IL16: variants seen among roughly 807,000 people sequenced by gnomAD.
The protein encoded by IL16 is pro-interleukin-16.
In IL16, 67 loss-of-function variants were observed where a neutral mutation model predicts 110.1. That is an observed-to-expected ratio of 0.61 (90% confidence interval 0.50 to 0.75). IL16 has a LOEUF of 0.75. IL16 is among the 30% of genes least tolerant of loss of function. The pLI, the probability that IL16 is intolerant of heterozygous loss-of-function variation, is 0.00. For synonymous variants in IL16, 689 were observed against 662.9 expected, an observed-to-expected ratio of 1.04 and a Z score of -0.61; for missense variants, 1,545 against 1,655.0, an observed-to-expected ratio of 0.93 and a Z score of 1.15.
At chr15:81,209,101 C>T (rs1896140279) in intron 1 of IL16, among the ~76,000 whole-genome samples, 1 of 152,128 alleles carries the variant, frequency 6.6e-6, no homozygotes, top group Non-Finnish European at 1.5e-5. Context: ...TGAATTCAAT[C>T]ACATTTATTG....
chr15:81,256,332 C>CT (rs386383603), intron 2 of IL16, among the ~76,000 whole-genome samples: 20,431 of 125,692 alleles, frequency 0.16, 2,308 homozygotes, highest in Non-Finnish European at 0.22. Context: ...TCTTTACAAA[C>CT]TTTTTTTTTT....
In IL16 at chr15:81,292,640, G is replaced by A. The variant is rs908824928; in HGVS notation, c.1505G>A (p.Arg502Lys). 6.2e-7 allele frequency: 1 copy of A among 1,612,182 alleles called. No homozygotes were observed. The highest frequency in any genetic ancestry group is 1.7e-5 in the Admixed American group (1 of 59,992). Residue 502 changes from arginine (R) to lysine (K), a missense_variant, in exon 12 of 19, where the codon AGG (arginine) becomes AAG (lysine). Physicochemically the swap from Arg to Lys is conservative, Grantham distance 26. Transcript: ENST00000683961. ...REKNSAPPHR[R>K]AQKVMIRSSS... ...AAGAACTCAGCACCCCCGCATCGCA[G>A]GGCTCAGAAGGTCATGATCCGCTCC...
intron 2 of IL16, among the ~76,000 whole-genome samples, chr15:81,228,322 A>AT (rs34038033): frequency 0.52 from 73,100 of 140,380 alleles, 21,355 homozygotes; most frequent in Non-Finnish European, 0.67. Flanking sequence ...TGTACAACAC[A>AT]TTTTTTTTTT....
chr15:81,238,649 A>G (rs1897250772), intron 2 of IL16, among the ~76,000 whole-genome samples: 1 of 152,144 alleles, frequency 6.6e-6, no homozygotes, highest in African/African-American at 2.4e-5. Flanking sequence ...ACCATAAAAT[A>G]TAAGTAAAAA....
intron 8 of IL16, 30 bp downstream of exon 8, chr15:81,279,804 T>A: frequency 4.4e-6 from 7 of 1,589,266 alleles, no homozygotes; most frequent in Non-Finnish European, 6.0e-6. Context: ...GTCCCGTGCC[T>A]GGGTCTCCCA....
chr15:81,265,900 T>C, intron 4 of IL16, 99 bp downstream of exon 4: 3 of 1,161,414 alleles, frequency 2.6e-6, no homozygotes, highest in Non-Finnish European at 3.6e-6. Context: ...CCAGTAGTTT[T>C]TTTGTCCGCA....
At chr15:81,265,074 G>T (rs1419305563) in intron 3 of IL16, among the ~76,000 whole-genome samples, 1 of 152,190 alleles carries the variant, frequency 6.6e-6, no homozygotes, top group Non-Finnish European at 1.5e-5. Context: ...AGAGTTCCCG[G>T]TTGGATGAAA....
intron 2 of IL16, among the ~76,000 whole-genome samples, chr15:81,245,862 A>G (rs1038451352): frequency 1.4e-4 from 21 of 147,498 alleles, no homozygotes; most frequent in Non-Finnish European, 2.8e-4. Context: ...TTCCTATCTG[A>G]TCTGTCTTCT....
At chr15:81,232,113 T>C (rs1205122698) in intron 2 of IL16, among the ~76,000 whole-genome samples, 2 of 144,200 alleles carry the variant, frequency 1.4e-5, no homozygotes, top group East Asian at 4.2e-4. Flanking sequence ...GGTTTTTCCG[T>C]TGGAATTTTT....
At chr15:81,196,340 G>A (rs907855258), upstream of IL16, among the ~76,000 whole-genome samples, 1 of 152,236 alleles carries the variant, frequency 6.6e-6, no homozygotes, top group African/African-American at 2.4e-5. Flanking sequence ...TTCTTTGTCT[G>A]CAAAGCAGGT....
chr15:81,241,630 T>G (rs1897339951), intron 2 of IL16, among the ~76,000 whole-genome samples: 2 of 152,264 alleles, frequency 1.3e-5, no homozygotes, highest in African/African-American at 4.8e-5. Context: ...TTATTTTAAT[T>G]AAACATTTTA....
intron 12 of IL16, among the ~76,000 whole-genome samples, chr15:81,296,226 C>T (rs530149918): frequency 6.6e-6 from 1 of 152,180 alleles, no homozygotes; most frequent in African/African-American, 2.4e-5. Context: ...CTGACAGTAC[C>T]TTAAGCACAC....
intron 4 of IL16, 28 bp downstream of exon 4, chr15:81,265,829 G>C: frequency 6.3e-7 from 1 of 1,595,134 alleles, no homozygotes; most frequent in Non-Finnish European, 8.6e-7. Context: ...GAAACTCAGA[G>C]AAGAGTTTCT....
intron 1 of IL16, among the ~76,000 whole-genome samples, chr15:81,199,032 T>A (rs11633420): frequency 0.51 from 56,155 of 109,142 alleles, 13,684 homozygotes; most frequent in East Asian, 0.76. Context: ...AAAAAAAAAA[T>A]ATATATATAT....
intron 2 of IL16, among the ~76,000 whole-genome samples, chr15:81,238,148 C>T (rs1311045116): frequency 2.0e-5 from 3 of 152,108 alleles, no homozygotes; most frequent in Non-Finnish European, 4.4e-5. Context: ...GTGATCCACC[C>T]ACCTCAGCCT....
intron 2 of IL16, among the ~76,000 whole-genome samples, chr15:81,244,736 G>T (rs191328540): frequency 6.6e-6 from 1 of 151,984 alleles, no homozygotes; most frequent in Non-Finnish European, 1.5e-5. Context: ...TCCTAAATTT[G>T]TGAAGTGCTC....
chr15:81,255,333 A>G (rs1343770344), intron 2 of IL16, among the ~76,000 whole-genome samples: 4 of 152,208 alleles, frequency 2.6e-5, no homozygotes, highest in Non-Finnish European at 5.9e-5. Context: ...CACCACGGCC[A>G]TGTTGAAGTG....
intron 13 of IL16, chr15:81,299,168 T>C: frequency 1.3e-6 from 1 of 749,570 alleles, no homozygotes; most frequent in Non-Finnish European, 2.3e-6. Flanking sequence ...TAGGATACTG[T>C]GAGATTAACT....
rs780676252 is a variant in IL16, at chr15:81,269,527, C to T, written c.565-11C>T. 3 of 1,601,740 alleles carry T rather than the reference C, an allele frequency of 1.9e-6. No individual in the cohort carries two copies. The highest frequency in any genetic ancestry group is 2.6e-6 in the Non-Finnish European group (3 of 1,168,846). On this transcript the variant is annotated splice_polypyrimidine_tract_variant and intron_variant, in intron 4 of 18. Transcript: ENST00000683961. ...GGCTAATCTTCTGCCTACTCTGGTT[C>T]CTTGTTGCAGGGAACTTCGAGACCA...
Sources: gnomAD v4.1 joint callset for allele counts (sites outside exome capture counted in the v4.1 genomes callset) on GRCh38, gnomAD v4.1.1 for gene constraint, MANE v1.5 for transcripts, NCBI Gene and HGNC (gene_info 2026-07-23, HGNC 2026-07-21) for gene names.